The following AGPAT3 variants were observed in gnomAD, a reference collection of about 807,000 sequenced individuals.
AGPAT3 encodes 1-acylglycerol-3-phosphate O-acyltransferase 3.
AGPAT3 carries 5 observed loss-of-function variants against 47.3 expected under a neutral mutation model. The observed-to-expected ratio is 0.11, with a 90% CI of 0.06 to 0.22. The LOEUF (loss-of-function observed/expected upper bound fraction) is 0.22. AGPAT3 is among the 10% of genes least tolerant of loss of function. The pLI, the probability that AGPAT3 is intolerant of heterozygous loss-of-function variation, is 1.00. For missense variants in AGPAT3, 315 were observed against 493.0 expected (o/e 0.64, Z 3.42); for synonymous variants, 212 against 208.3 (o/e 1.02, Z -0.15).
chr21:43,927,907 C>G (rs535255259), intron 2 of AGPAT3, among the ~76,000 whole-genome samples: 1 of 152,068 alleles, frequency 6.6e-6, no homozygotes, highest in Non-Finnish European at 1.5e-5. Context: ...GACAGGTACC[C>G]CAGCCTATAG....
At chr21:43,937,838 C>T (rs2087500137) in intron 2 of AGPAT3, among the ~76,000 whole-genome samples, 1 of 152,180 alleles carries the variant, frequency 6.6e-6, no homozygotes, top group South Asian at 2.1e-4. Context: ...CATTAGGACG[C>T]ATCCCATGAA....
Position 43,865,249 on chromosome 21 carries a change from G to A in AGPAT3, c.-208G>A, listed in dbSNP as rs1341929797. 6.8e-6 allele frequency: 1 copy of A among 147,238 alleles called. No homozygotes were observed. The highest frequency in any genetic ancestry group is 2.0e-4 in the East Asian group (1 of 5,024). The allele number at this position is 147,238 out of a possible 1,614,324, so 9.1% of individuals were successfully genotyped here. On this transcript the variant is annotated 5_prime_UTR_variant, in exon 1 of 10. Transcript: ENST00000291572. The stretch of plus-strand genomic sequence containing the variant: ...CTCGCTGAGGCCCCGACGCAGGGCC[G>A]GGCCGGGCCCAGGGCCGAGGAGCGC...
intron 1 of AGPAT3, among the ~76,000 whole-genome samples, chr21:43,896,697 A>G (rs561693116): frequency 1.3e-4 from 20 of 152,332 alleles, no homozygotes; most frequent in African/African-American, 3.6e-4. Flanking sequence ...TTAAAATTTT[A>G]TATCTTCCTT....
intron 2 of AGPAT3, among the ~76,000 whole-genome samples, chr21:43,948,596 A>G (rs2146456072): frequency 6.6e-6 from 1 of 152,322 alleles, no homozygotes; most frequent in South Asian, 2.1e-4. Flanking sequence ...AGTGACTTGC[A>G]TGTTGCAAAA....
At chr21:43,953,746 C>T (rs952965923) in intron 2 of AGPAT3, among the ~76,000 whole-genome samples, 1 of 152,174 alleles carries the variant, frequency 6.6e-6, no homozygotes, top group Non-Finnish European at 1.5e-5. Context: ...CTACTAGCTA[C>T]ATTGGAGAGA....
intron 7 of AGPAT3, among the ~76,000 whole-genome samples, 189 bp from the exon 8 acceptor site, chr21:43,977,857 A>G (rs2089678328): frequency 6.6e-6 from 1 of 151,716 alleles, no homozygotes; most frequent in Non-Finnish European, 1.5e-5. Flanking sequence ...AGTGCTCTCC[A>G]GCCTGGCAAC....
chr21:43,971,340 A>C, intron 6 of AGPAT3, 48 bp from the exon 7 acceptor site: 6 of 1,567,174 alleles, frequency 3.8e-6, no homozygotes, highest in Non-Finnish European at 4.4e-6. Context: ...GGCAGTGACC[A>C]TGCAGCCGCC....
chr21:43,926,387 G>A (rs948564672), intron 2 of AGPAT3, among the ~76,000 whole-genome samples: 2 of 152,208 alleles, frequency 1.3e-5, no homozygotes, highest in African/African-American at 4.8e-5. Context: ...GGACAGCGGG[G>A]TGGTCCAGCA....
intron 1 of AGPAT3, among the ~76,000 whole-genome samples, chr21:43,869,250 CAT>C (rs1438207124): frequency 6.6e-6 from 1 of 152,180 alleles, no homozygotes; most frequent in East Asian, 1.9e-4. Flanking sequence ...ATTGACTCCT[CAT>C]GTGAAGAATG....
At chr21:43,977,954 C>A in intron 7 of AGPAT3, 92 bp from the exon 8 acceptor site, 1 of 994,744 alleles carries the variant, frequency 1.0e-6, no homozygotes, top group Non-Finnish European at 1.5e-6. Context: ...GCCCATAGGC[C>A]ACCCTGGCAC....
intron 2 of AGPAT3, among the ~76,000 whole-genome samples, chr21:43,924,159 G>A (rs1000492157): frequency 6.6e-6 from 1 of 150,714 alleles, no homozygotes; most frequent in African/African-American, 2.4e-5. Flanking sequence ...GACTACAGGT[G>A]CCCGCCAGCA....
intron 2 of AGPAT3, chr21:43,950,831 A>T (rs1167155345): frequency 1.3e-5 from 2 of 152,306 alleles, no homozygotes; most frequent in African/African-American, 4.8e-5. Flanking sequence ...CTGCGTTTAA[A>T]GCGGGAGGAA....
intron 2 of AGPAT3, among the ~76,000 whole-genome samples, chr21:43,943,589 C>G (rs974373092): frequency 7.2e-5 from 11 of 152,228 alleles, no homozygotes; most frequent in African/African-American, 2.7e-4. Flanking sequence ...TCAGCTTCAG[C>G]TTTCGGCCAT....
rs114339449 is a variant in AGPAT3 at position 43,939,070 on chromosome 21, C to T, written c.-48-20564C>T. ...CGCAGGGGCCGCACCAGGGCTGGGA[C>T]GGGGCTGCGACCAGGCTAGGGGAGC... On this transcript the variant is annotated intron_variant, in intron 2 of 9. Coordinates refer to ENST00000291572, the MANE Select transcript of AGPAT3 (RefSeq NM_020132.5). The surrounding 1 kb of genome is among the most constrained non-coding windows in gnomAD (Gnocchi z 4.4). Among the ~76,000 whole-genome samples the T allele has an allele frequency of 1.1e-4, 16 of 152,300 alleles. No individual in the cohort carries two copies. Among genetic ancestry groups the T allele is most frequent in the African/African-American group, 2.9e-4 (12 of 41,566 alleles).
chr21:43,895,779 T>C (rs2086202487), intron 1 of AGPAT3, among the ~76,000 whole-genome samples: 1 of 151,764 alleles, frequency 6.6e-6, no homozygotes, highest in Non-Finnish European at 1.5e-5. Flanking sequence ...TTTCGTGGGT[T>C]TTTTTGAGAC....
rs576807059 is a variant in AGPAT3 at position 43,955,109 on chromosome 21, C to A, written c.-48-4525C>A. The A allele has an allele frequency of 3.1e-6, 4 of 1,270,786 alleles. No individual in the cohort carries two copies. Among genetic ancestry groups the A allele is most frequent in the Non-Finnish European group, 4.1e-6 (4 of 977,428 alleles). The allele number at this position is 1,270,786 out of a possible 1,614,324, so 78.7% of individuals were successfully genotyped here. On this transcript the variant is annotated intron_variant, in intron 2 of 9. Coordinates refer to ENST00000291572, the MANE Select transcript of AGPAT3 (RefSeq NM_020132.5). The surrounding 1 kb of genome is among the most constrained non-coding windows in gnomAD (Gnocchi z 4.1). ...CGGCAGGGAGCGTATCACCGTGGCA[C>A]GTCCATGCCGTGGGGGTCACTCAGC... is the stretch of plus-strand genomic sequence containing the variant.
chr21:43,903,613 A>G (rs919205341), intron 1 of AGPAT3, among the ~76,000 whole-genome samples: 2 of 152,176 alleles, frequency 1.3e-5, no homozygotes, highest in Admixed American at 6.5e-5. Context: ...GGAGGGGCCC[A>G]TGGTGGCCCC....
chr21:43,867,371 C>A, intron 1 of AGPAT3: 1 of 152,360 alleles, frequency 6.6e-6, no homozygotes. Context: ...TTGGAATTCT[C>A]CTAAACAGGG....
At chr21:43,929,577 C>T (rs902208921) in intron 2 of AGPAT3, among the ~76,000 whole-genome samples, 1 of 152,374 alleles carries the variant, frequency 6.6e-6, no homozygotes, top group South Asian at 2.1e-4. Context: ...AAAGCCACCT[C>T]CCCCGGTCGC....
Sources: gnomAD v4.1 joint callset for allele counts (sites outside exome capture counted in the v4.1 genomes callset) on GRCh38, gnomAD v4.1.1 for gene constraint, Gnocchi (gnomAD v3.1) non-coding constraint, MANE v1.5 for transcripts, NCBI Gene and HGNC (gene_info 2026-07-23, HGNC 2026-07-21) for gene names.